ZFP2: variants seen among roughly 807,000 people sequenced by gnomAD.
The protein encoded by ZFP2 is zinc finger protein ZFP2.
In ZFP2, 33 loss-of-function variants were observed where a neutral mutation model predicts 36.1. The ratio of observed to expected loss-of-function variants is 0.92; its 90% CI spans 0.69 to 1.22. The LOEUF is 1.22. Ranked by LOEUF, ZFP2 falls within the 50% of genes most tolerant of loss-of-function variation. The probability of loss-of-function intolerance (pLI) is 0.00; values close to 1 mark genes in which losing one functional copy is unlikely to be tolerated. For synonymous variants in ZFP2, 170 were observed against 178.0 expected (o/e 0.96, Z 0.36); for missense variants, 522 against 551.4 (o/e 0.95, Z 0.53).
intron 1 of ZFP2, among the ~76,000 whole-genome samples, chr5:178,898,173 A>G (rs1290313420): frequency 6.6e-6 from 1 of 152,058 alleles, no homozygotes; most frequent in Non-Finnish European, 1.5e-5. Flanking sequence ...TTTGGTAGAG[A>G]CAGGATTTTG....
rs187418492 is a variant in ZFP2 at position 178,902,709 on chromosome 5, A to G, written c.-450+6735A>G. On this transcript the variant is annotated intron_variant, in intron 1 of 4. Coordinates refer to ENST00000361362, the MANE Select transcript of ZFP2 (RefSeq NM_030613.4). ...AAATCTTCTTCCTACTCTTGTCTCCAAGCTCCCTATTATCTCTTCTCATAA... is the reference window on the plus strand; with the variant it reads ...AAATCTTCTTCCTACTCTTGTCTCCGAGCTCCCTATTATCTCTTCTCATAA... Among the ~76,000 whole-genome samples, 726 of 152,322 alleles carry G rather than the reference A, an allele frequency of 4.8e-3. 16 individuals are homozygous for G. The highest frequency in any genetic ancestry group is 0.044 in the Admixed American group (670 of 15,298).
At chr5:178,915,769 G>A (rs1758418795) in intron 3 of ZFP2, 1 of 152,122 alleles carries the variant, frequency 6.6e-6, no homozygotes, top group African/African-American at 2.4e-5. Flanking sequence ...GGCTGAGGTT[G>A]CGGTAAGCTG....
chr5:178,929,502 A>G (rs79565328), intron 4 of ZFP2, among the ~76,000 whole-genome samples: 12,823 of 152,230 alleles, frequency 0.084, 681 homozygotes, highest in Non-Finnish European at 0.12. Context: ...AGTTCCACAG[A>G]TCCCTAGGGC....
At chr5:178,900,306 G>C (rs564277859) in intron 1 of ZFP2, among the ~76,000 whole-genome samples, 1 of 151,814 alleles carries the variant, frequency 6.6e-6, no homozygotes, top group East Asian at 1.9e-4. Context: ...CAGCCAGCCA[G>C]TGTCCTCGTG....
chr5:178,911,420 C>T (rs375880066), intron 1 of ZFP2, among the ~76,000 whole-genome samples: 14 of 152,266 alleles, frequency 9.2e-5, no homozygotes, highest in African/African-American at 3.4e-4. Context: ...GCCTGCCTTT[C>T]CTGCCACCTG....
At chr5:178,899,890 C>T (rs1459279883) in intron 1 of ZFP2, among the ~76,000 whole-genome samples, 4 of 151,902 alleles carry the variant, frequency 2.6e-5, no homozygotes, top group Non-Finnish European at 5.9e-5. Context: ...TTATTAGGAT[C>T]ACTTGTTTAT....
chr5:178,924,837 A>G (rs1758633310), intron 4 of ZFP2, among the ~76,000 whole-genome samples: 1 of 148,082 alleles, frequency 6.8e-6, no homozygotes, highest in Admixed American at 6.8e-5. Flanking sequence ...GACAAGAGCA[A>G]AACTCCATCT....
chr5:178,903,413 A>G (rs1758098720), intron 1 of ZFP2, among the ~76,000 whole-genome samples: 3 of 152,194 alleles, frequency 2.0e-5, no homozygotes, highest in South Asian at 2.1e-4. Flanking sequence ...GAGAATTCCA[A>G]GTTTCCAACC....
rs147811123 is a variant in ZFP2 at position 178,899,009 on chromosome 5, A to G, written c.-450+3035A>G. Among the ~76,000 whole-genome samples the G allele has an allele frequency of 1.5e-3, 224 of 152,314 alleles. 3 individuals carry two copies. The highest frequency in any genetic ancestry group is 2.3e-3 in the Non-Finnish European group (156 of 68,026). On this transcript the variant is annotated intron_variant, in intron 1 of 4. Coordinates refer to ENST00000361362, the MANE Select transcript of ZFP2 (RefSeq NM_030613.4). ...GCACCTGAATATGGTAATAAGAACAAGTGTGGTTAGGGACCCAGTTTATCC... is the reference window on the plus strand; with the variant it reads ...GCACCTGAATATGGTAATAAGAACAGGTGTGGTTAGGGACCCAGTTTATCC...
intron 4 of ZFP2, among the ~76,000 whole-genome samples, chr5:178,918,955 G>A (rs1035574456): frequency 6.6e-6 from 1 of 152,082 alleles, no homozygotes; most frequent in Non-Finnish European, 1.5e-5. Context: ...TCTGAGTAAA[G>A]CCCCCCTAAC....
rs1004745921 is a variant in ZFP2 at position 178,922,289 on chromosome 5, A to C, written c.-78+5579A>C. The C allele has an allele frequency of 4.6e-5, 45 of 968,356 alleles. 5 individuals carry two copies. Among genetic ancestry groups the C allele is most frequent in the Non-Finnish European group, 7.3e-5 (43 of 592,860 alleles). 60.0% of individuals were successfully genotyped at this position (968,356 alleles called of 1,614,324 possible). ...CTCTAAAATAAGTTCATTATCATAC[A>C]AGGTAACCAGATTTTTGAAATGCTG... On this transcript the variant is annotated intron_variant, in intron 4 of 4. Transcript: ENST00000361362.
At chr5:178,923,323 A>AACCT (rs769822452) in intron 4 of ZFP2, among the ~76,000 whole-genome samples, 10 of 149,568 alleles carry the variant, frequency 6.7e-5, no homozygotes, top group Non-Finnish European at 1.1e-4. Flanking sequence ...AGCCCCTGGT[A>AACCT]ACCTCCGCTT....
intron 1 of ZFP2, among the ~76,000 whole-genome samples, chr5:178,906,816 C>T (rs1018333302): frequency 4.6e-5 from 7 of 151,682 alleles, no homozygotes; most frequent in Non-Finnish European, 7.4e-5. Context: ...CCTCAGCCTC[C>T]GAAAGTGCTG....
chr5:178,906,648 C>T (rs763848361), intron 1 of ZFP2, among the ~76,000 whole-genome samples: 4 of 151,940 alleles, frequency 2.6e-5, no homozygotes, highest in African/African-American at 4.8e-5. Flanking sequence ...CTCCGCCTCC[C>T]GGGTTCAAGT....
At chr5:178,924,805 G>T (rs1221689708) in intron 4 of ZFP2, among the ~76,000 whole-genome samples, 1 of 148,504 alleles carries the variant, frequency 6.7e-6, no homozygotes, top group Non-Finnish European at 1.5e-5. Context: ...CCGAGATTGC[G>T]CCATTGCACT....
chr5:178,928,678 T>C (rs1464186903), intron 4 of ZFP2, among the ~76,000 whole-genome samples: 1 of 152,242 alleles, frequency 6.6e-6, no homozygotes, highest in South Asian at 2.1e-4. Flanking sequence ...TGGGTTGTAG[T>C]TGAATGTCTC....
chr5:178,925,126 T>TATATATATACAC (rs1176286324), intron 4 of ZFP2, among the ~76,000 whole-genome samples: 1 of 133,566 alleles, frequency 7.5e-6, no homozygotes, highest in Non-Finnish European at 1.6e-5. Flanking sequence ...TATATATATA[T>TATATATATACAC]ACACACACAC....
chr5:178,931,832 T>A lies in ZFP2; in HGVS notation c.519T>A (p.Leu173=), dbSNP rs775279661. 6.2e-7 allele frequency: 1 copy of A among 1,612,564 alleles called. No homozygotes were observed. Among genetic ancestry groups the A allele is most frequent in the South Asian group, 1.1e-5 (1 of 91,012 alleles). ...CGKAFSQSMN[L]TVHQRTHTGE... ...AAGCCTTTAGTCAGAGCATGAATCT[T>A]ACTGTCCATCAACGAACTCACACCG... The change falls in exon 5 of 5, where the codon CTT becomes CTA. Residue 173 remains leucine (L), a synonymous_variant. Transcript: ENST00000361362.
intron 3 of ZFP2, 117 bp from the exon 4 acceptor site, chr5:178,916,448 C>T: frequency 1.8e-6 from 1 of 543,468 alleles, no homozygotes; most frequent in Non-Finnish European, 2.3e-6. Flanking sequence ...TTGAGTGTAT[C>T]TGAAAGAGCA....
Sources: gnomAD v4.1 joint callset for allele counts (sites outside exome capture counted in the v4.1 genomes callset) on GRCh38, gnomAD v4.1.1 for gene constraint, MANE v1.5 for transcripts, NCBI Gene and HGNC (gene_info 2026-07-23, HGNC 2026-07-21) for gene names.